The following PAN3 variants were observed in gnomAD, a reference collection of about 807,000 sequenced individuals.
PAN3 encodes poly(A) specific ribonuclease subunit PAN3, also known as PAN2-PAN3 deadenylation complex subunit PAN3.
PAN3 carries 19 observed loss-of-function variants against 96.2 expected under a neutral mutation model. That is an observed-to-expected ratio of 0.20 (90% CI 0.14 to 0.29). The LOEUF (loss-of-function observed/expected upper bound fraction) is 0.29, where lower values mean the gene tolerates loss of function less well. PAN3 is among the 10% of genes least tolerant of loss of function. The pLI, the probability that PAN3 is intolerant of heterozygous loss-of-function variation, is 1.00. For synonymous variants in PAN3, 433 were observed against 406.6 expected, an observed-to-expected ratio of 1.06 and a Z score of -0.78; for missense variants, 882 against 1,108.1, an observed-to-expected ratio of 0.80 and a Z score of 2.90.
intron 4 of PAN3, among the ~76,000 whole-genome samples, chr13:28,184,988 A>T (rs147154267): frequency 6.6e-6 from 1 of 152,140 alleles, no homozygotes; most frequent in Non-Finnish European, 1.5e-5. Context: ...CTCTCATACT[A>T]TGTTTAAAAT....
intron 5 of PAN3, among the ~76,000 whole-genome samples, chr13:28,205,084 C>A (rs1879188272): frequency 6.6e-6 from 1 of 151,812 alleles, no homozygotes. Context: ...TTGCTTGTTA[C>A]TGCTTCCTTT....
intron 9 of PAN3, among the ~76,000 whole-genome samples, chr13:28,262,036 A>AATT (rs1326586085): frequency 6.6e-6 from 1 of 152,158 alleles, no homozygotes; most frequent in Non-Finnish European, 1.5e-5. Context: ...AGAGGATGGT[A>AATT]ATTATTAGGC....
intron 5 of PAN3, among the ~76,000 whole-genome samples, chr13:28,217,161 T>C (rs1385748165): frequency 6.6e-6 from 1 of 150,894 alleles, no homozygotes; most frequent in African/African-American, 2.4e-5. Flanking sequence ...AAGCTAACGG[T>C]CAGGATTCTT....
At chr13:28,282,233 A>G (rs45600538) in intron 17 of PAN3, among the ~76,000 whole-genome samples, 1,576 of 152,344 alleles carry the variant, frequency 0.01, 26 homozygotes, top group African/African-American at 0.035. Context: ...AAAGACAGGT[A>G]GAACAGAATT....
chr13:28,168,112 A>G (rs776192292), intron 1 of PAN3, among the ~76,000 whole-genome samples: 13 of 152,200 alleles, frequency 8.5e-5, no homozygotes, highest in Non-Finnish European at 1.8e-4. Context: ...CAATATATCA[A>G]TTTTGGGAGA....
rs1420414472 is a variant in PAN3 at position 28,288,083 on chromosome 13, C to T, written c.2484C>T (p.Pro828=). 2 of 1,612,846 alleles carry T rather than the reference C, an allele frequency of 1.2e-6. No individual in the cohort carries two copies. Among genetic ancestry groups the T allele is most frequent in the African/African-American group, 1.3e-5 (1 of 74,806 alleles). Residue 828 remains proline (P), a synonymous_variant, in exon 18 of 19, where the codon CCC becomes CCT. Coordinates refer to ENST00000380958, the MANE Select transcript of PAN3 (RefSeq NM_175854.8). ...LFHQVTEAGA[P]WIDLSHIISC... ...ATCAGGTGACAGAAGCAGGTGCTCC[C>T]TGGATTGACCTCAGTCATATAATTT...
chr13:28,246,311 T>C (rs972235900), intron 6 of PAN3, among the ~76,000 whole-genome samples: 3 of 152,210 alleles, frequency 2.0e-5, no homozygotes, highest in Non-Finnish European at 4.4e-5. Flanking sequence ...CTGTTTTTTT[T>C]AAATTGATAC....
intron 1 of PAN3, among the ~76,000 whole-genome samples, chr13:28,157,822 A>G (rs986928137): frequency 6.6e-6 from 1 of 152,238 alleles, no homozygotes; most frequent in African/African-American, 2.4e-5. Context: ...CAACCTGCCA[A>G]TGACACTCTT....
intron 6 of PAN3, among the ~76,000 whole-genome samples, chr13:28,241,443 C>T (rs916761724): frequency 1.3e-5 from 2 of 152,156 alleles, no homozygotes; most frequent in African/African-American, 4.8e-5. Context: ...CTTCCTTAAA[C>T]TCAGTTTCTT....
intron 4 of PAN3, among the ~76,000 whole-genome samples, chr13:28,182,348 T>C (rs530548789): frequency 6.6e-6 from 1 of 152,230 alleles, no homozygotes; most frequent in Non-Finnish European, 1.5e-5. Flanking sequence ...CATCTTCTTT[T>C]TTTATTCACC....
At chr13:28,171,043 G>A (rs58155603) in intron 1 of PAN3, among the ~76,000 whole-genome samples, 2,621 of 152,172 alleles carry the variant, frequency 0.017, 75 homozygotes, top group African/African-American at 0.06. Context: ...CGATCCGCCC[G>A]CCTTGGCCTC....
At chr13:28,156,578 A>T (rs1044011335) in intron 1 of PAN3, among the ~76,000 whole-genome samples, 2 of 152,242 alleles carry the variant, frequency 1.3e-5, no homozygotes, top group African/African-American at 4.8e-5. Context: ...CATCATCCTG[A>T]TACCAAAACC....
Position 28,138,555 on chromosome 13 carries a change from G to C in PAN3, c.-103G>C, listed in dbSNP as rs1207187687. 2.6e-5 allele frequency: 9 copies of C among 341,706 alleles called. No homozygotes were observed. The highest frequency in any genetic ancestry group is 4.2e-5 in the Non-Finnish European group (8 of 190,708). 21.2% of individuals were successfully genotyped at this position (341,706 alleles called of 1,614,324 possible). A position where few individuals can be genotyped will look rare whatever the true frequency, so the allele number is the denominator to read the frequency against. On this transcript the variant is annotated 5_prime_UTR_variant, in exon 1 of 19. Coordinates refer to ENST00000380958, the MANE Select transcript of PAN3 (RefSeq NM_175854.8). ...CAGCGGGACAGACCCACCCGCCCAG[G>C]CTTTTATCCGGCACCGGCAGCGTCT...
chr13:28,224,881 A>G (rs1227493966), intron 6 of PAN3, among the ~76,000 whole-genome samples: 1 of 152,160 alleles, frequency 6.6e-6, no homozygotes, highest in Non-Finnish European at 1.5e-5. Flanking sequence ...TCAGTCTTTC[A>G]AAGTGCTAGA....
intron 14 of PAN3, among the ~76,000 whole-genome samples, chr13:28,275,366 C>T (rs1390751078): frequency 6.6e-6 from 1 of 152,106 alleles, no homozygotes; most frequent in Non-Finnish European, 1.5e-5. Context: ...TTTTGGTTTT[C>T]TGTCTCATAA....
intron 6 of PAN3, among the ~76,000 whole-genome samples, chr13:28,230,920 T>C (rs1882487957): frequency 6.6e-6 from 1 of 152,212 alleles, no homozygotes; most frequent in African/African-American, 2.4e-5. Flanking sequence ...ATTTAGTAGC[T>C]AACACCTTTC....
chr13:28,146,792 A>G (rs1378167657), intron 1 of PAN3, among the ~76,000 whole-genome samples: 1 of 152,170 alleles, frequency 6.6e-6, no homozygotes, highest in Admixed American at 6.6e-5. Context: ...CCTGGCCAAC[A>G]TGGAGAAAGC....
chr13:28,140,264 T>C (rs1457425001), intron 1 of PAN3, among the ~76,000 whole-genome samples: 1 of 152,180 alleles, frequency 6.6e-6, no homozygotes, highest in Non-Finnish European at 1.5e-5. Flanking sequence ...GAGTTTACAA[T>C]TGAATGTGAG....
chr13:28,253,167 T>C (rs1884875123), intron 6 of PAN3, among the ~76,000 whole-genome samples: 1 of 152,198 alleles, frequency 6.6e-6, no homozygotes, highest in African/African-American at 2.4e-5. Flanking sequence ...CAATGGAAGA[T>C]GTCATTTTAA....
Sources: allele counts gnomAD v4.1 joint callset (sites outside exome capture counted in the v4.1 genomes callset), GRCh38; gene constraint gnomAD v4.1.1; transcripts MANE v1.5; gene names NCBI Gene and HGNC (gene_info 2026-07-23, HGNC 2026-07-21).